MAGI2: variants seen among roughly 807,000 people sequenced by gnomAD.
MAGI2 encodes membrane associated guanylate kinase, WW and PDZ domain containing 2.
A neutral mutation model predicts 133.3 loss-of-function variants in MAGI2; 35 were observed. The ratio of observed to expected loss-of-function variants is 0.26; its 90% CI spans 0.20 to 0.35. MAGI2 has a LOEUF of 0.35. MAGI2 is among the 10% of genes least tolerant of loss of function. MAGI2 has a pLI of 1.00. For synonymous variants in MAGI2, 729 were observed against 710.6 expected (o/e 1.03, Z -0.41); for missense variants, 1,636 against 1,863.4 (o/e 0.88, Z 2.25).
At chr7:78,477,721 G>A (rs550993942) in intron 6 of MAGI2, among the ~76,000 whole-genome samples, 63 of 151,954 alleles carry the variant, frequency 4.1e-4, no homozygotes, top group African/African-American at 1.4e-3. Context: ...GACACATGGG[G>A]ATTACTACAA....
chr7:78,832,751 G>A (rs892706461), intron 2 of MAGI2, among the ~76,000 whole-genome samples: 8 of 152,198 alleles, frequency 5.3e-5, no homozygotes, highest in African/African-American at 1.9e-4. Context: ...ATGCAGGATT[G>A]TGTAAAGACA....
intron 1 of MAGI2, among the ~76,000 whole-genome samples, chr7:79,432,729 G>T (rs949030445): frequency 5.9e-5 from 9 of 152,198 alleles, no homozygotes; most frequent in African/African-American, 2.2e-4. Flanking sequence ...AAGTGGTCAG[G>T]TTTAGTCTAT....
At chr7:79,057,261 A>G (rs1332967718) in intron 1 of MAGI2, among the ~76,000 whole-genome samples, 1 of 152,210 alleles carries the variant, frequency 6.6e-6, no homozygotes, top group Non-Finnish European at 1.5e-5. Flanking sequence ...TAGGAAATAG[A>G]GATGTGGAAG....
At chr7:78,813,619 A>C (rs1479999389) in intron 2 of MAGI2, among the ~76,000 whole-genome samples, 1 of 152,008 alleles carries the variant, frequency 6.6e-6, no homozygotes, top group Non-Finnish European at 1.5e-5. Context: ...CACCGTCTCT[A>C]CTAGAAATGC....
chr7:78,333,077 T>A (rs145768366), intron 9 of MAGI2, among the ~76,000 whole-genome samples: 1 of 152,236 alleles, frequency 6.6e-6, no homozygotes, highest in Non-Finnish European at 1.5e-5. Context: ...GATGTGAGTA[T>A]GAATATTTTG....
chr7:79,047,948 C>T (rs1812325960), intron 1 of MAGI2, among the ~76,000 whole-genome samples: 1 of 152,040 alleles, frequency 6.6e-6, no homozygotes, highest in South Asian at 2.1e-4. Flanking sequence ...AACTTCTTTC[C>T]ACAGTCATCT....
intron 2 of MAGI2, among the ~76,000 whole-genome samples, chr7:78,791,541 CTTTT>C (rs553315100): frequency 7.5e-6 from 1 of 132,980 alleles, no homozygotes; most frequent in Admixed American, 7.6e-5. Context: ...GAGAAACAAT[CTTTT>C]TTTTTTTTTT....
At chr7:78,208,652 T>C (rs906212546) in intron 10 of MAGI2, among the ~76,000 whole-genome samples, 1 of 150,648 alleles carries the variant, frequency 6.6e-6, no homozygotes, top group African/African-American at 2.4e-5. Flanking sequence ...AATGGAAAAA[T>C]CCAGTTCTGA....
chr7:78,223,138 C>T (rs190073576), intron 10 of MAGI2, among the ~76,000 whole-genome samples: 40 of 152,244 alleles, frequency 2.6e-4, no homozygotes, highest in African/African-American at 8.9e-4. Flanking sequence ...TCTAGGTGTG[C>T]GGGTATCACA....
At chr7:79,048,691 G>A (rs1408216992) in intron 1 of MAGI2, among the ~76,000 whole-genome samples, 1 of 152,042 alleles carries the variant, frequency 6.6e-6, no homozygotes, top group Non-Finnish European at 1.5e-5. Flanking sequence ...TTATCTCAGG[G>A]GGCCTGGCAC....
intron 2 of MAGI2, among the ~76,000 whole-genome samples, chr7:78,649,236 G>GAAAAGA (rs1554512646): frequency 8.1e-4 from 71 of 88,166 alleles, no homozygotes; most frequent in African/African-American, 3.2e-3. Flanking sequence ...AAAAAAAAAA[G>GAAAAGA]AAAAAAAAAG....
At chr7:78,085,495 C>A (rs1583830398) in intron 20 of MAGI2, among the ~76,000 whole-genome samples, 1 of 151,066 alleles carries the variant, frequency 6.6e-6, no homozygotes, top group South Asian at 2.1e-4. Flanking sequence ...TGTATTCCAG[C>A]CTGGGGAACA....
chr7:79,433,753 G>A (rs1038683155), intron 1 of MAGI2, among the ~76,000 whole-genome samples: 1 of 151,816 alleles, frequency 6.6e-6, no homozygotes, highest in African/African-American at 2.4e-5. Flanking sequence ...AGTTACACAC[G>A]GACTCTCAAG....
intron 2 of MAGI2, among the ~76,000 whole-genome samples, chr7:78,777,428 C>G (rs958587789): frequency 6.6e-6 from 1 of 152,026 alleles, no homozygotes; most frequent in African/African-American, 2.4e-5. Context: ...CCTGGTACAC[C>G]ATCACCATCA....
At chr7:78,412,992 G>A (rs1181647167) in intron 6 of MAGI2, among the ~76,000 whole-genome samples, 1 of 151,970 alleles carries the variant, frequency 6.6e-6, no homozygotes, top group African/African-American at 2.4e-5. Context: ...CAACAAATGG[G>A]AACCTTTTAA....
At chr7:79,260,700 G>C (rs1193724827) in intron 1 of MAGI2, among the ~76,000 whole-genome samples, 1 of 152,072 alleles carries the variant, frequency 6.6e-6, no homozygotes, top group Non-Finnish European at 1.5e-5. Flanking sequence ...TTTCACGCAC[G>C]AAAGTATTTA....
intron 1 of MAGI2, among the ~76,000 whole-genome samples, chr7:79,136,710 T>C (rs917930173): frequency 6.6e-5 from 10 of 152,230 alleles, no homozygotes; most frequent in Non-Finnish European, 1.3e-4. Context: ...TTACATTTTG[T>C]TATATAAGGC....
intron 3 of MAGI2, among the ~76,000 whole-genome samples, chr7:78,599,459 T>C (rs1235385584): frequency 1.3e-5 from 2 of 152,114 alleles, no homozygotes; most frequent in African/African-American, 4.8e-5. Flanking sequence ...TCAGTCTCTG[T>C]GAGAAATACC....
intron 1 of MAGI2, among the ~76,000 whole-genome samples, chr7:79,257,957 A>G (rs925236788): frequency 5.9e-5 from 9 of 152,182 alleles, no homozygotes; most frequent in African/African-American, 1.4e-4. Flanking sequence ...AAGAGAACAT[A>G]TAAGATTAAT....
Sources: allele counts gnomAD v4.1 joint callset (sites outside exome capture counted in the v4.1 genomes callset), GRCh38; gene constraint gnomAD v4.1.1; transcripts MANE v1.5; gene names NCBI Gene and HGNC (gene_info 2026-07-23, HGNC 2026-07-21).